Variants in ETV1 observed in about 807,000 individuals in gnomAD.
The protein encoded by ETV1 is ETS translocation variant 1.
In ETV1, 27 loss-of-function variants were observed where a neutral mutation model predicts 62.3. The observed-to-expected ratio is 0.43, with a 90% CI of 0.32 to 0.60. The LOEUF (loss-of-function observed/expected upper bound fraction) is 0.60. ETV1 is among the 20% of genes least tolerant of loss of function. The pLI is 0.06. For synonymous variants in ETV1, 222 were observed against 199.6 expected, an observed-to-expected ratio of 1.11 and a Z score of -0.94; for missense variants, 605 against 605.8, an observed-to-expected ratio of 1.00 and a Z score of 0.01.
At chr7:13,934,776 A>C (rs1195716747) in intron 8 of ETV1, among the ~76,000 whole-genome samples, 1 of 152,164 alleles carries the variant, frequency 6.6e-6, no homozygotes, top group Non-Finnish European at 1.5e-5. Context: ...GCATCTTTGC[A>C]ACTCGGCATT....
intron 9 of ETV1, among the ~76,000 whole-genome samples, chr7:13,920,526 G>A (rs1338250983): frequency 6.6e-6 from 1 of 151,986 alleles, no homozygotes; most frequent in South Asian, 2.1e-4. Context: ...GTCCATTCAT[G>A]TAAGAGAAAT....
rs1000401148 is a variant in ETV1 at position 13,989,373 on chromosome 7, G to A, written c.-193C>T. ...TTATTTACACTCTCGATGTTTCCCT[G>A]CGCGGTCGGTGTACCCCGGGCAGCT... On this transcript the variant is annotated 5_prime_UTR_variant, in exon 2 of 14. Coordinates refer to ENST00000430479, the MANE Select transcript of ETV1 (RefSeq NM_004956.5). 2 of 484,470 alleles carry A rather than the reference G, an allele frequency of 4.1e-6. No homozygotes were observed. Among genetic ancestry groups the A allele is most frequent in the Non-Finnish European group, 7.2e-6 (2 of 277,082 alleles). 30.0% of individuals were successfully genotyped at this position (484,470 alleles called of 1,614,324 possible).
chr7:13,961,692 T>C lies in ETV1; in HGVS notation c.235+15735A>G, dbSNP rs551786794. On this transcript the variant is annotated intron_variant, in intron 6 of 13. Coordinates refer to ENST00000430479, the MANE Select transcript of ETV1 (RefSeq NM_004956.5). ...ACCCACAAATTAGGGTGTCCTTGAT[T>C]GGCCAGAATTCATAACCCATAATCT... Among the ~76,000 whole-genome samples, 3 of 152,294 alleles carry C rather than the reference T, an allele frequency of 2.0e-5. No individual in the cohort carries two copies. The South Asian group carries it at 6.2e-4, about 32-fold the overall frequency.
chr7:13,988,707 C>G (rs1482937262), intron 3 of ETV1: 2 of 1,612,352 alleles, frequency 1.2e-6, no homozygotes, highest in Non-Finnish European at 1.7e-6. Context: ...GGCAGACAAA[C>G]CCAGCCAAAA....
At chr7:13,969,190 A>T (rs1418776423) in intron 6 of ETV1, among the ~76,000 whole-genome samples, 1 of 152,180 alleles carries the variant, frequency 6.6e-6, no homozygotes, top group East Asian at 1.9e-4. Flanking sequence ...CTAAACTAGA[A>T]TTGGTTCCAG....
At chr7:13,908,093 T>C (rs1562595681) in intron 11 of ETV1, among the ~76,000 whole-genome samples, 1 of 152,164 alleles carries the variant, frequency 6.6e-6, no homozygotes, top group African/African-American at 2.4e-5. Flanking sequence ...TGCCTATAAA[T>C]GTGACTGATC....
chr7:13,941,205 T>G (rs2128461599), intron 6 of ETV1, among the ~76,000 whole-genome samples: 1 of 152,354 alleles, frequency 6.6e-6, no homozygotes, highest in East Asian at 1.9e-4. Flanking sequence ...ACTTGAATTC[T>G]GATTTGAACA....
chr7:13,902,484 T>C (rs1049948950), intron 12 of ETV1, among the ~76,000 whole-genome samples: 12 of 150,532 alleles, frequency 8.0e-5, no homozygotes, highest in Non-Finnish European at 1.8e-4. Context: ...TTCATTTTAA[T>C]GTAAATCTTC....
chr7:13,922,139 C>G (rs1784911796), intron 9 of ETV1, among the ~76,000 whole-genome samples: 1 of 151,974 alleles, frequency 6.6e-6, no homozygotes, highest in South Asian at 2.1e-4. Context: ...TATGCATTAT[C>G]TATATTGAAA....
intron 13 of ETV1, among the ~76,000 whole-genome samples, chr7:13,896,743 G>GAAAGAAA (rs144984792): frequency 2.3e-4 from 27 of 115,382 alleles, no homozygotes; most frequent in Admixed American, 9.7e-4. Flanking sequence ...AAGAAAGAAA[G>GAAAGAAA]GAAAGAAAGA....
intron 5 of ETV1, among the ~76,000 whole-genome samples, chr7:13,983,411 T>A (rs1782197385): frequency 6.6e-6 from 1 of 152,024 alleles, no homozygotes; most frequent in Admixed American, 6.6e-5. Flanking sequence ...ATTTTAACTA[T>A]GACTTTCAGG....
chr7:13,911,375 G>T, intron 9 of ETV1, 68 bp from the exon 10 acceptor site: 1 of 1,037,494 alleles, frequency 9.6e-7, no homozygotes, highest in Non-Finnish European at 1.5e-6. Flanking sequence ...CAATGGACAG[G>T]GTGCAGACAG....
rs185025716 is a variant in ETV1 at position 13,899,590 on chromosome 7, T to G, written c.1212+1148A>C. Among the ~76,000 whole-genome samples, 47 of 152,320 alleles carry G rather than the reference T, an allele frequency of 3.1e-4. 1 individual carries two copies. The highest frequency in any genetic ancestry group is 1.1e-3 in the African/African-American group (44 of 41,574). ...AAAATGTGCCACAATCTATAACATGTAACTATGTTTACAAACCCTAAAATA... is the reference window on the plus strand; with the variant it reads ...AAAATGTGCCACAATCTATAACATGGAACTATGTTTACAAACCCTAAAATA... On this transcript the variant is annotated intron_variant, in intron 13 of 13. Transcript: ENST00000430479.
intron 6 of ETV1, among the ~76,000 whole-genome samples, chr7:13,957,477 G>A (rs948866717): frequency 6.6e-6 from 1 of 152,150 alleles, no homozygotes; most frequent in African/African-American, 2.4e-5. Context: ...CAATTATAGG[G>A]ATAATCATTT....
At chr7:13,918,564 G>A (rs1403043411) in intron 9 of ETV1, among the ~76,000 whole-genome samples, 1 of 152,068 alleles carries the variant, frequency 6.6e-6, no homozygotes, top group Non-Finnish European at 1.5e-5. Flanking sequence ...AAAATGATGA[G>A]TTCATGTCCT....
chr7:13,930,874 C>T (rs1189011819), intron 9 of ETV1, among the ~76,000 whole-genome samples: 1 of 151,758 alleles, frequency 6.6e-6, no homozygotes, highest in Middle Eastern at 3.2e-3. Context: ...GATCTCGGCT[C>T]ACTGCAACCT....
At chr7:13,986,402 G>A in intron 5 of ETV1, 1 of 1,485,412 alleles carries the variant, frequency 6.7e-7, no homozygotes, top group South Asian at 1.4e-5. Flanking sequence ...GCCAAAAGCA[G>A]ATGTGATTGT....
intron 6 of ETV1, among the ~76,000 whole-genome samples, chr7:13,942,303 A>G (rs969469199): frequency 3.3e-5 from 5 of 152,130 alleles, no homozygotes; most frequent in African/African-American, 9.7e-5. Context: ...CATTACAGGC[A>G]TGAGCCACCG....
intron 13 of ETV1, among the ~76,000 whole-genome samples, chr7:13,898,507 T>G (rs1396193367): frequency 6.6e-6 from 1 of 152,222 alleles, no homozygotes; most frequent in African/African-American, 2.4e-5. Flanking sequence ...GAAGTACACA[T>G]AGGCATTGTC....
Sources: allele counts gnomAD v4.1 joint callset (sites outside exome capture counted in the v4.1 genomes callset), GRCh38; gene constraint gnomAD v4.1.1; transcripts MANE v1.5; gene names NCBI Gene and HGNC (gene_info 2026-07-23, HGNC 2026-07-21).